UBN2: variants seen among roughly 807,000 people sequenced by gnomAD.
The protein encoded by UBN2 is ubinuclein 2.
A neutral mutation model predicts 120.2 loss-of-function variants in UBN2; 35 were observed. That is an observed-to-expected ratio of 0.29 (90% CI 0.22 to 0.39). UBN2 has a LOEUF of 0.39. Ranked by LOEUF, UBN2 falls within the 10% of genes least tolerant of loss-of-function variation. The probability of loss-of-function intolerance (pLI) is 1.00; values close to 1 mark genes in which losing one functional copy is unlikely to be tolerated. For synonymous variants in UBN2, 661 were observed against 648.7 expected (o/e 1.02, Z -0.29); for missense variants, 1,693 against 1,663.2 (o/e 1.02, Z -0.31).
At chr7:139,239,048 C>G (rs140841125) in intron 2 of UBN2, among the ~76,000 whole-genome samples, 2 of 152,244 alleles carry the variant, frequency 1.3e-5, no homozygotes, top group East Asian at 1.9e-4. Context: ...GCTCAAAATT[C>G]AAAAATTAAA....
In UBN2 at chr7:139,284,480, C is replaced by T. The variant is rs764986837; in HGVS notation, c.3575C>T (p.Thr1192Ile). 5.6e-6 allele frequency: 9 copies of T among 1,614,186 alleles called. No homozygotes were observed. The South Asian group carries it at 9.9e-5, about 18-fold the overall frequency. The change falls in exon 15 of 18, where the codon ACA becomes ATA. Residue 1192 changes from threonine (T) to isoleucine (I), a missense_variant. By Grantham distance (89) the Thr-to-Ile change is moderately conservative. Transcript: ENST00000473989. ...AATAGGACTAGTCTGTCTGGGGGAA[C>T]AGGAAGTGGAACACAGGGTGCTACC... ...GANRTSLSGG[T>I]GSGTQGATKP...
At chr7:139,232,557 T>C (rs780462853) in intron 1 of UBN2, among the ~76,000 whole-genome samples, 6 of 152,130 alleles carry the variant, frequency 3.9e-5, no homozygotes, top group Non-Finnish European at 8.8e-5. Flanking sequence ...AATGGAGAAG[T>C]GGGTTAGTTA....
Position 139,251,991 on chromosome 7 carries a change from A to G in UBN2, c.597A>G (p.Leu199=), listed in dbSNP as rs1420794932. 5 of 1,614,066 alleles carry G rather than the reference A, an allele frequency of 3.1e-6. No individual in the cohort carries two copies. The African/African-American group carries it at 5.3e-5, about 17-fold the overall frequency. Residue 199 remains leucine, a synonymous_variant, in exon 3 of 18, where the codon CTA becomes CTG. Coordinates refer to ENST00000473989, the MANE Select transcript of UBN2 (RefSeq NM_173569.4). The part of the protein sequence containing the change: ...GKPRKHRKDR[L]QDLIDIGFGY... ...CCCGTAAACACCGGAAGGATCGGCT[A>G]CAAGATTTAATTGATATAGGCTTTG...
rs550750019 is a variant in UBN2 at position 139,275,109 on chromosome 7, A to G, written c.1974-988A>G. ...CCTGGCCAGCATGGTGAAACCCTGT[A>G]TCTACTAAAAATACAAAAATTAGCT... On this transcript the variant is annotated intron_variant, in intron 11 of 17. Transcript: ENST00000473989. Among the ~76,000 whole-genome samples the G allele has an allele frequency of 4.0e-5, 6 of 150,134 alleles. No individual in the cohort carries two copies. In the South Asian group the frequency reaches 1.3e-3, roughly 32 times the overall value.
chr7:139,324,709 G>A, the UBN2 span, among the ~76,000 whole-genome samples: 1 of 151,984 alleles, frequency 6.6e-6, no homozygotes, highest in Non-Finnish European at 1.5e-5. Context: ...GGTGGCTCAC[G>A]CCTATAATCC....
intron 12 of UBN2, among the ~76,000 whole-genome samples, chr7:139,278,341 C>A (rs1203830115): frequency 6.6e-6 from 1 of 151,970 alleles, no homozygotes; most frequent in African/African-American, 2.4e-5. Context: ...GCCACCACGC[C>A]TGGCTAATGT....
intron 16 of UBN2, 184 bp downstream of exon 16, chr7:139,293,647 A>G (rs1798027992): frequency 1.1e-5 from 7 of 648,884 alleles, no homozygotes; most frequent in African/African-American, 1.8e-5. Flanking sequence ...TTTTATATAC[A>G]GTTTTTAAGC....
At position 139,273,298 on chromosome 7, in the gene UBN2, T is replaced by C; in HGVS notation, c.1717T>C (p.Leu573=). 1 of 1,598,576 alleles carries C rather than the reference T, an allele frequency of 6.3e-7. No homozygotes were observed. The change falls in exon 10 of 18, where the codon TTG becomes CTG. Residue 573 remains leucine (L), a splice_region_variant and synonymous_variant. Coordinates refer to ENST00000473989, the MANE Select transcript of UBN2 (RefSeq NM_173569.4). ...QARSQAKCAK[L]QTDEEREKNG... ...TTGTAAAGTGTTTTTCATTTTTAGA[T>C]TGCAGACAGATGAAGAACGAGAAAA...
intron 2 of UBN2, among the ~76,000 whole-genome samples, chr7:139,246,136 G>A (rs775496817): frequency 6.6e-6 from 1 of 152,156 alleles, no homozygotes; most frequent in Non-Finnish European, 1.5e-5. Flanking sequence ...AGGCCAAGGC[G>A]AGCAGATCAC....
the UBN2 span, chr7:139,315,494 A>T: frequency 1.3e-5 from 2 of 152,174 alleles, no homozygotes; most frequent in Admixed American, 1.3e-4. Context: ...TATACCCCAA[A>T]TAATATCTCA....
chr7:139,281,858 C>A, intron 13 of UBN2, 147 bp from the exon 14 acceptor site: 1 of 626,128 alleles, frequency 1.6e-6, no homozygotes, highest in Non-Finnish European at 2.8e-6. Context: ...TCTTAGCAGA[C>A]ATTTGTGACC....
At chr7:139,312,335 A>G (rs1163076746), downstream of UBN2, among the ~76,000 whole-genome samples, 1 of 152,216 alleles carries the variant, frequency 6.6e-6, no homozygotes, top group Non-Finnish European at 1.5e-5. Flanking sequence ...ACTTACTTAG[A>G]TACATCCACG....
At position 139,282,050 on chromosome 7, in the gene UBN2, C is replaced by T; in HGVS notation, c.2113C>T (p.Leu705Phe). ...TLPLHSFPTMLKECSPKKDQK... is the reference protein window; with the variant it reads ...TLPLHSFPTMFKECSPKKDQK... ...TCCTCTCCATTCTTTCCCCACTATG[C>T]TTAAGGTAAGTGCTATGGTTGTATC... is the stretch of plus-strand genomic sequence containing the variant. The change falls in exon 14 of 18, where the codon CTT becomes TTT. Residue 705 changes from leucine (L) to phenylalanine (F), a missense_variant. Leu to Phe is a conservative substitution (Grantham distance 22). Transcript: ENST00000473989. The T allele has an allele frequency of 1.9e-6, 3 of 1,613,314 alleles. No individual in the cohort carries two copies. The highest frequency in any genetic ancestry group is 2.5e-6 in the Non-Finnish European group (3 of 1,179,458).
chr7:139,239,884 A>C (rs1292271457), intron 2 of UBN2, among the ~76,000 whole-genome samples: 1 of 152,200 alleles, frequency 6.6e-6, no homozygotes, highest in Non-Finnish European at 1.5e-5. Context: ...GTGGGTTACA[A>C]AATCAAGGAT....
chr7:139,275,850 C>T lies in UBN2; in HGVS notation c.1974-247C>T, dbSNP rs564879095. Among the ~76,000 whole-genome samples the T allele has an allele frequency of 2.0e-5, 3 of 152,252 alleles. No individual in the cohort carries two copies. The South Asian group carries it at 6.2e-4, about 32-fold the overall frequency. On this transcript the variant is annotated intron_variant, in intron 11 of 17. Coordinates refer to ENST00000473989, the MANE Select transcript of UBN2 (RefSeq NM_173569.4). ...ATTAGCTGGGCATGGTGGCACACAC[C>T]TGTAATTCCAGCTTCTTTGAAAGCT... is the stretch of plus-strand genomic sequence containing the variant.
At chr7:139,312,668 T>C (rs1798464249), downstream of UBN2, among the ~76,000 whole-genome samples, 1 of 152,246 alleles carries the variant, frequency 6.6e-6, no homozygotes, top group Non-Finnish European at 1.5e-5. Flanking sequence ...TTTTAATTAA[T>C]CTACTTTTTG....
chr7:139,249,010 C>CTGTGTGTGTGTGTG (rs559214097), intron 2 of UBN2, among the ~76,000 whole-genome samples: 35 of 147,646 alleles, frequency 2.4e-4, no homozygotes, highest in African/African-American at 7.4e-4. Context: ...TTTATTACAT[C>CTGTGTGTGTGTGTG]TGTGTGTGTG....
At chr7:139,248,989 A>G (rs1796545756) in intron 2 of UBN2, among the ~76,000 whole-genome samples, 3 of 151,324 alleles carry the variant, frequency 2.0e-5, no homozygotes, top group Admixed American at 1.3e-4. Context: ...ATATATGTGT[A>G]TATGTATATA....
the UBN2 span, among the ~76,000 whole-genome samples, chr7:139,316,759 TTATG>T: frequency 2.1e-4 from 32 of 151,116 alleles, no homozygotes; most frequent in African/African-American, 7.4e-4. Flanking sequence ...AAATAAAAAA[TTATG>T]TATGTGTGTG....
Sources: gnomAD v4.1 joint callset for allele counts (sites outside exome capture counted in the v4.1 genomes callset) on GRCh38, gnomAD v4.1.1 for gene constraint, MANE v1.5 for transcripts, NCBI Gene and HGNC (gene_info 2026-07-23, HGNC 2026-07-21) for gene names.